Variants in ITIH2 observed in about 807,000 individuals in gnomAD.
ITIH2 encodes inter-alpha-trypsin inhibitor heavy chain 2.
ITIH2 carries 103 observed loss-of-function variants against 104.4 expected under a neutral mutation model. The observed-to-expected ratio is 0.99, with a 90% CI of 0.84 to 1.16. ITIH2 has a LOEUF of 1.16. ITIH2 is among the 50% of genes most tolerant of loss of function. The pLI, the probability that ITIH2 is intolerant of heterozygous loss-of-function variation, is 0.00. For missense variants in ITIH2, 1,108 were observed against 1,162.4 expected (o/e 0.95, Z 0.68); for synonymous variants, 436 against 435.4 (o/e 1.00, Z -0.02).
intron 4 of ITIH2, among the ~76,000 whole-genome samples, chr10:7,711,569 G>C (rs1482623022): frequency 6.6e-6 from 1 of 152,118 alleles, no homozygotes; most frequent in Admixed American, 6.6e-5. Context: ...TGGCCTTTGA[G>C]ACTTAGTTCT....
At chr10:7,716,922 G>A (rs980674820) in intron 5 of ITIH2, among the ~76,000 whole-genome samples, 4 of 150,818 alleles carry the variant, frequency 2.7e-5, no homozygotes, top group African/African-American at 9.8e-5. Context: ...TGGCCATGGG[G>A]TCTTGAGCAG....
intron 6 of ITIH2, among the ~76,000 whole-genome samples, chr10:7,718,345 G>A (rs1834869952): frequency 6.6e-6 from 1 of 152,156 alleles, no homozygotes; most frequent in East Asian, 1.9e-4. Context: ...ATCCTTAATT[G>A]CATCTGCAAG....
Position 7,730,122 on chromosome 10 carries a change from T to C in ITIH2, c.1450T>C (p.Ser484Pro). The C allele has an allele frequency of 1.9e-6, 3 of 1,598,076 alleles. No homozygotes were observed. Among genetic ancestry groups the C allele is most frequent in the Non-Finnish European group, 2.6e-6 (3 of 1,174,638 alleles). Residue 484 changes from serine (S) to proline (P), a missense_variant, in exon 12 of 21, where the codon TCC (serine) becomes CCC (proline). Transcript: ENST00000358415. ...QRIYGNQDTSSQLKKFYNQVS... is the reference protein window; with the variant it reads ...QRIYGNQDTSPQLKKFYNQVS... ...GATTTATGGAAACCAGGACACGTCT[T>C]CCCAGCTTAAGGTAACATTTTCTTC...
Position 7,717,636 on chromosome 10 carries a change from C to T in ITIH2, c.478C>T (p.Leu160Phe), listed in dbSNP as rs2130944368. 3.7e-6 allele frequency: 6 copies of T among 1,613,456 alleles called. No individual in the cohort carries two copies. The highest frequency in any genetic ancestry group is 5.1e-6 in the Non-Finnish European group (6 of 1,179,494). ...KTAGLVRSSA[L>F]DMENFRTEVN... ...GGCTTTCACCTTTAGGAGCAGCGCT[C>T]TTGATATGGAAAACTTCAGAACGGA... is the stretch of plus-strand genomic sequence containing the variant. Residue 160 changes from leucine (L) to phenylalanine (F), a missense_variant, in exon 6 of 21, where the codon CTT (leucine) becomes TTT (phenylalanine). Transcript: ENST00000358415.
rs371925713 is a variant in ITIH2 at position 7,726,936 on chromosome 10, C to G, written c.985-14C>G. Reference sequence around the variant, plus strand: ...TTCTGTAATGGGACCTGTCTTTATTCTCTATTGAAATAGACTGTGGAAGCA... The same window carrying G: ...TTCTGTAATGGGACCTGTCTTTATTGTCTATTGAAATAGACTGTGGAAGCA... On this transcript the variant is annotated splice_polypyrimidine_tract_variant and intron_variant, in intron 9 of 20. Coordinates refer to ENST00000358415, the MANE Select transcript of ITIH2 (RefSeq NM_002216.3). 12 of 1,579,262 alleles carry G rather than the reference C, an allele frequency of 7.6e-6. No homozygotes were observed. In the African/African-American group the frequency reaches 1.5e-4, roughly 20 times the overall value.
intron 15 of ITIH2, among the ~76,000 whole-genome samples, chr10:7,737,310 T>A (rs1835064637): frequency 6.6e-6 from 1 of 150,454 alleles, no homozygotes; most frequent in African/African-American, 2.4e-5. Context: ...CTAGGAGACC[T>A]CAGGTTTATA....
At chr10:7,714,379 G>A (rs536806485) in intron 5 of ITIH2, among the ~76,000 whole-genome samples, 15 of 151,840 alleles carry the variant, frequency 9.9e-5, no homozygotes, top group East Asian at 3.9e-4. Flanking sequence ...TCACCGTGTT[G>A]GCCAGGATGG....
At chr10:7,709,254 C>A (rs1588449614) in intron 4 of ITIH2, 63 bp downstream of exon 4, 1 of 1,467,764 alleles carries the variant, frequency 6.8e-7, no homozygotes, top group East Asian at 2.3e-5. Context: ...CAAAACCCCT[C>A]ATAGTTAGAA....
chr10:7,717,204 G>A (rs1005271780), intron 5 of ITIH2, among the ~76,000 whole-genome samples: 10 of 151,990 alleles, frequency 6.6e-5, no homozygotes, highest in African/African-American at 1.9e-4. Context: ...CGCCTGCCTC[G>A]GCCTCCCAAA....
intron 20 of ITIH2, 72 bp from the exon 21 acceptor site, chr10:7,749,115 C>A: frequency 6.8e-7 from 1 of 1,475,112 alleles, no homozygotes; most frequent in Non-Finnish European, 9.4e-7. Context: ...CGAAGAACAG[C>A]AAGGAAAAGA....
At position 7,737,657 on chromosome 10, in the gene ITIH2, A is replaced by ATTCTATATTATATTCTATATT. The variant is rs1564305553; in HGVS notation, c.1958-943_1958-923dup. Reference sequence around the variant, plus strand: ...TATTCTATAGAATATTCTATATTATATTCTATATTATATTCTATATTTTCT... The same window carrying ATTCTATATTATATTCTATATT: ...TATTCTATAGAATATTCTATATTATATTCTATATTATATTCTATATTTTCTATATTATATTCTATATTTTCT... On this transcript the variant is annotated intron_variant, in intron 15 of 20. Transcript: ENST00000358415. Among the ~76,000 whole-genome samples the ATTCTATATTATATTCTATATT allele has an allele frequency of 5.8e-5, 5 of 85,666 alleles. 1 individual carries two copies. Among genetic ancestry groups the ATTCTATATTATATTCTATATT allele is most frequent in the Non-Finnish European group, 7.7e-5 (4 of 51,854 alleles). 56.2% of individuals were successfully genotyped at this position (85,666 alleles called of 152,430 possible). A position where few individuals can be genotyped will look rare whatever the true frequency, so the allele number is the denominator to read the frequency against.
chr10:7,718,492 A>T lies in ITIH2; in HGVS notation c.630+704A>T, dbSNP rs2130945139. On this transcript the variant is annotated intron_variant, in intron 6 of 20. Coordinates refer to ENST00000358415, the MANE Select transcript of ITIH2 (RefSeq NM_002216.3). ...TGAGTCTTCGCTGTCTCATCTATGA[A>T]AAGAGTACTGTAACAGACTTTTGTT... 1.3e-5 allele frequency among the ~76,000 whole-genome samples: 2 copies of T among 152,312 alleles called. 1 individual carries two copies. Among genetic ancestry groups the T allele is most frequent in the African/African-American group, 4.8e-5 (2 of 41,566 alleles).
intron 16 of ITIH2, among the ~76,000 whole-genome samples, chr10:7,741,174 T>C: frequency 1.1e-4 from 1 of 9,458 alleles, no homozygotes; most frequent in South Asian, 2.7e-3. Context: ...TTGTTTAAGG[T>C]TTTTTTTTTT....
chr10:7,718,511 T>A (rs529231849), intron 6 of ITIH2, among the ~76,000 whole-genome samples: 1 of 152,150 alleles, frequency 6.6e-6, no homozygotes, highest in African/African-American at 2.4e-5. Context: ...TGTAACAGAC[T>A]TTTGTTTCTC....
intron 15 of ITIH2, among the ~76,000 whole-genome samples, chr10:7,737,846 A>ATATTATATTCTATATATTC (rs1835081652): frequency 3.3e-4 from 7 of 21,270 alleles, no homozygotes; most frequent in African/African-American, 1.1e-3. Context: ...TCTATATATT[A>ATATTATATTCTATATATTC]TATATTATAT....
intron 6 of ITIH2, among the ~76,000 whole-genome samples, chr10:7,719,760 C>CAAAAAAAAAAAAAAAAAAAAAAAAAA (rs71385664): frequency 7.2e-5 from 3 of 41,712 alleles, no homozygotes; most frequent in African/African-American, 1.0e-4. Flanking sequence ...GACCCTGTCT[C>CAAAAAAAAAAAAAAAAAAAAAAAAAA]AAAAAAAAAA....
intron 19 of ITIH2, among the ~76,000 whole-genome samples, chr10:7,745,832 G>A (rs1052192868): frequency 4.6e-5 from 7 of 151,190 alleles, no homozygotes; most frequent in South Asian, 2.1e-4. Context: ...TCGGCTCACC[G>A]CAACCGCTGC....
chr10:7,721,208 T>C (rs1834899501), intron 7 of ITIH2, among the ~76,000 whole-genome samples: 1 of 152,210 alleles, frequency 6.6e-6, no homozygotes, highest in African/African-American at 2.4e-5. Context: ...AGTCACCTGC[T>C]TAACCAGTAG....
intron 15 of ITIH2, 76 bp downstream of exon 15, chr10:7,735,167 C>T (rs757539003): frequency 2.9e-5 from 39 of 1,347,728 alleles, no homozygotes; most frequent in South Asian, 5.6e-5. Context: ...CTAGTGCCTC[C>T]GCTCTCTCCC....
Sources: gnomAD v4.1 joint callset for allele counts (sites outside exome capture counted in the v4.1 genomes callset) on GRCh38, gnomAD v4.1.1 for gene constraint, MANE v1.5 for transcripts, NCBI Gene and HGNC (gene_info 2026-07-23, HGNC 2026-07-21) for gene names.